The following NR3C2 variants were observed in gnomAD, a reference collection of about 807,000 sequenced individuals.
NR3C2 encodes the protein mineralocorticoid receptor.
A neutral mutation model predicts 86.4 loss-of-function variants in NR3C2; 15 were observed. The observed-to-expected ratio is 0.17, with a 90% CI of 0.12 to 0.27. The LOEUF is 0.27. NR3C2 is among the 10% of genes least tolerant of loss of function. The probability of loss-of-function intolerance (pLI) is 1.00; values close to 1 mark genes in which losing one functional copy is unlikely to be tolerated. For synonymous variants in NR3C2, 458 were observed against 450.5 expected (o/e 1.02, Z -0.21); for missense variants, 960 against 1,195.6 (o/e 0.80, Z 2.91).
intron 2 of NR3C2, among the ~76,000 whole-genome samples, chr4:148,292,206 C>T (rs984679638): frequency 1.3e-5 from 2 of 150,852 alleles, no homozygotes; most frequent in African/African-American, 4.9e-5. Context: ...CTTTATTATA[C>T]TTGACTACCA....
chr4:148,236,540 A>G lies in NR3C2; in HGVS notation c.1897+23438T>C, dbSNP rs185547753. Among the ~76,000 whole-genome samples, 37 of 152,274 alleles carry G rather than the reference A, an allele frequency of 2.4e-4. No homozygotes were observed. The East Asian group carries it at 6.6e-3, about 27-fold the overall frequency. On this transcript the variant is annotated intron_variant, in intron 3 of 8. Coordinates refer to ENST00000358102, the MANE Select transcript of NR3C2 (RefSeq NM_000901.5). Reference sequence around the variant, plus strand: ...CAACTGATACTCTTACACTTAAAAAAAGGTCAGAAAAGTTTTGTTTGAAGG... The same window carrying G: ...CAACTGATACTCTTACACTTAAAAAGAGGTCAGAAAAGTTTTGTTTGAAGG...
chr4:148,302,550 C>T (rs1742392982), intron 2 of NR3C2, among the ~76,000 whole-genome samples: 1 of 152,060 alleles, frequency 6.6e-6, no homozygotes, highest in Admixed American at 6.5e-5. Context: ...TGCAATAGGA[C>T]ACAACTGGAG....
At chr4:148,090,839 A>G (rs1276893293) in intron 8 of NR3C2, among the ~76,000 whole-genome samples, 1 of 152,214 alleles carries the variant, frequency 6.6e-6, no homozygotes, top group East Asian at 1.9e-4. Context: ...ATCCCCAGTC[A>G]TGAGGGCTTC....
intron 2 of NR3C2, among the ~76,000 whole-genome samples, chr4:148,389,074 G>A (rs1356770633): frequency 6.6e-6 from 1 of 152,112 alleles, no homozygotes; most frequent in Non-Finnish European, 1.5e-5. Flanking sequence ...CAACATAGAG[G>A]GCTATCTTTC....
chr4:148,157,523 C>T (rs1215452946), intron 4 of NR3C2, among the ~76,000 whole-genome samples: 1 of 151,886 alleles, frequency 6.6e-6, no homozygotes, highest in Admixed American at 6.6e-5. Flanking sequence ...GGGTAAATTA[C>T]TTCATATGCG....
chr4:148,213,419 C>T (rs1737377352), intron 3 of NR3C2, among the ~76,000 whole-genome samples: 1 of 152,120 alleles, frequency 6.6e-6, no homozygotes, highest in South Asian at 2.1e-4. Flanking sequence ...AACTGACCCC[C>T]AATAATGATG....
chr4:148,422,144 T>C (rs761321331), intron 2 of NR3C2, among the ~76,000 whole-genome samples: 19 of 152,036 alleles, frequency 1.2e-4, no homozygotes, highest in Non-Finnish European at 2.5e-4. Context: ...GGGGGAAAAA[T>C]GCTATTTTTC....
chr4:148,090,943 G>A (rs1025502842), intron 8 of NR3C2, among the ~76,000 whole-genome samples: 7 of 152,220 alleles, frequency 4.6e-5, no homozygotes, highest in Non-Finnish European at 7.3e-5. Flanking sequence ...CCTGGCAGCC[G>A]GGGGCTGGGC....
intron 3 of NR3C2, among the ~76,000 whole-genome samples, chr4:148,244,462 T>G (rs1295775913): frequency 6.6e-6 from 1 of 152,198 alleles, no homozygotes; most frequent in Non-Finnish European, 1.5e-5. Flanking sequence ...GATTCAGGCT[T>G]GAGTGTAAGT....
chr4:148,276,486 A>G (rs1320988393), intron 2 of NR3C2, among the ~76,000 whole-genome samples: 1 of 152,208 alleles, frequency 6.6e-6, no homozygotes, highest in African/African-American at 2.4e-5. Context: ...AAGACTTAGT[A>G]TAAAATTAAA....
chr4:148,304,328 C>CTTT lies in NR3C2; in HGVS notation c.1758-44214_1758-44212dup, dbSNP rs35633620. Among the ~76,000 whole-genome samples the CTTT allele has an allele frequency of 7.7e-3, 649 of 83,820 alleles. 21 individuals carry two copies. Among genetic ancestry groups the CTTT allele is most frequent in the African/African-American group, 0.024 (546 of 22,508 alleles). 55.0% of individuals were successfully genotyped at this position (83,820 alleles called of 152,430 possible). The stretch of plus-strand genomic sequence containing the variant: ...GGCAAAAGGGTAAAAGTTGTTGTTG[C>CTTT]TTTTTTTTTTTTTTTTTTTTTTTTA... On this transcript the variant is annotated intron_variant, in intron 2 of 8. Transcript: ENST00000358102.
chr4:148,289,213 C>G (rs761294112), intron 2 of NR3C2, among the ~76,000 whole-genome samples: 14 of 142,652 alleles, frequency 9.8e-5, no homozygotes, highest in Non-Finnish European at 1.8e-4. Flanking sequence ...AAGATGACTA[C>G]TGAAATATTT....
In NR3C2 at chr4:148,152,617, A is replaced by AAGAAC. The variant is rs752605800; in HGVS notation, c.2366-9_2366-5dup. 9 of 1,613,666 alleles carry AAGAAC rather than the reference A, an allele frequency of 5.6e-6. No individual in the cohort carries two copies. The African/African-American group carries it at 1.2e-4, about 22-fold the overall frequency. On this transcript the variant is annotated splice_polypyrimidine_tract_variant and splice_region_variant and intron_variant, in intron 5 of 8. Coordinates refer to ENST00000358102, the MANE Select transcript of NR3C2 (RefSeq NM_000901.5). Reference sequence around the variant, plus strand: ...TCAAGAGGCAAGTTTTTAAATCCTGAAGAACAAAACAATTAATCACAGAAA... The same window carrying AAGAAC: ...TCAAGAGGCAAGTTTTTAAATCCTGAAGAACAGAACAAAACAATTAATCACAGAAA...
In NR3C2 at chr4:148,435,329, G is replaced by A; in HGVS notation, c.1532C>T (p.Ser511Phe). ...SYYPEASIPSSAIVGVNSGGQ... is the reference protein window; with the variant it reads ...SYYPEASIPSFAIVGVNSGGQ... ...ACCTGAATTCACCCCAACAATAGCA[G>A]AGGAAGGGATGCTGGCCTCTGGGTA... Residue 511 changes from serine (S) to phenylalanine (F), a missense_variant, in exon 2 of 9, where the codon TCT becomes TTT. Ser to Phe is a radical substitution (Grantham distance 155, BLOSUM62 -2). This residue lies in a region of NR3C2 where 680 missense variants were observed against 719.0 expected (regional missense o/e 0.95). Coordinates refer to ENST00000358102, the MANE Select transcript of NR3C2 (RefSeq NM_000901.5). 6.2e-7 allele frequency: 1 copy of A among 1,614,208 alleles called. No homozygotes were observed. The highest frequency in any genetic ancestry group is 1.1e-5 in the South Asian group (1 of 91,088).
chr4:148,130,826 T>G (rs1463490338), intron 6 of NR3C2, among the ~76,000 whole-genome samples: 16 of 128,668 alleles, frequency 1.2e-4, no homozygotes, highest in South Asian at 4.9e-4. Flanking sequence ...TTTGTTTTTT[T>G]TTTTTTTTTT....
chr4:148,273,302 A>G lies in NR3C2; in HGVS notation c.1758-13185T>C, dbSNP rs534412683. 9.8e-4 allele frequency among the ~76,000 whole-genome samples: 150 copies of G among 152,330 alleles called. 1 individual carries two copies. The highest frequency in any genetic ancestry group is 2.5e-3 in the Admixed American group (38 of 15,304). ...ATGCCTGTTTATGATGAAGATTTTG[A>G]AATCTATGGCAATATTCCCTTTCTT... is the stretch of plus-strand genomic sequence containing the variant. On this transcript the variant is annotated intron_variant, in intron 2 of 8. Coordinates refer to ENST00000358102, the MANE Select transcript of NR3C2 (RefSeq NM_000901.5).
At chr4:148,445,199 C>T (rs1212385198), upstream of NR3C2, among the ~76,000 whole-genome samples, 1 of 152,060 alleles carries the variant, frequency 6.6e-6, no homozygotes, top group Admixed American at 6.5e-5. Flanking sequence ...CCGGCCCTGA[C>T]CTCGCGCCCG....
At chr4:148,429,960 G>C (rs1749723664) in intron 2 of NR3C2, among the ~76,000 whole-genome samples, 1 of 152,116 alleles carries the variant, frequency 6.6e-6, no homozygotes, top group Non-Finnish European at 1.5e-5. Flanking sequence ...GAAGAAAAAA[G>C]TACTACTTTG....
At chr4:148,422,164 A>T (rs1463906233) in intron 2 of NR3C2, among the ~76,000 whole-genome samples, 1 of 152,130 alleles carries the variant, frequency 6.6e-6, no homozygotes, top group Non-Finnish European at 1.5e-5. Flanking sequence ...CACCTTACAC[A>T]TAGCAACCAA....
Sources: gnomAD v4.1 joint callset for allele counts (sites outside exome capture counted in the v4.1 genomes callset) on GRCh38, gnomAD v4.1.1 for gene constraint, gnomAD v4.1.1 regional missense constraint, MANE v1.5 for transcripts, NCBI Gene and HGNC (gene_info 2026-07-23, HGNC 2026-07-21) for gene names.